FAM78B: variants seen among roughly 807,000 people sequenced by gnomAD.
FAM78B encodes the protein family with sequence similarity 78 member B.
FAM78B carries 10 observed loss-of-function variants against 20.0 expected under a neutral mutation model. The observed-to-expected ratio is 0.50, with a 90% confidence interval of 0.31 to 0.85. The LOEUF is 0.85. Among genes scored for constraint, FAM78B ranks in the 40% least tolerant of loss-of-function variants. The pLI, the probability that FAM78B is intolerant of heterozygous loss-of-function variation, is 0.05. For synonymous variants in FAM78B, 135 were observed against 132.8 expected, an observed-to-expected ratio of 1.02 and a Z score of -0.12; for missense variants, 283 against 345.0, an observed-to-expected ratio of 0.82 and a Z score of 1.42.
intron 1 of FAM78B, 128 bp downstream of exon 1, chr1:166,165,858 G>A: frequency 1.0e-5 from 11 of 1,071,556 alleles, no homozygotes; most frequent in Non-Finnish European, 1.5e-5. Flanking sequence ...AGGTGGGAGA[G>A]GAGGCGGGAG....
chr1:166,064,778 T>C (rs1408056898), downstream of FAM78B, among the ~76,000 whole-genome samples: 4 of 152,238 alleles, frequency 2.6e-5, no homozygotes, highest in Non-Finnish European at 4.4e-5. Flanking sequence ...AGGCAGCACA[T>C]TAGGCAATTT....
rs111470288 is a variant in FAM78B at position 166,090,620 on chromosome 1, C to G, written c.264-19857G>C. 2.6e-5 allele frequency among the ~76,000 whole-genome samples: 4 copies of G among 152,330 alleles called. No homozygotes were observed. The South Asian group carries it at 6.2e-4, about 24-fold the overall frequency. On this transcript the variant is annotated intron_variant, in intron 1 of 1. Coordinates refer to ENST00000354422, the MANE Select transcript of FAM78B (RefSeq NM_001017961.5). The stretch of plus-strand genomic sequence containing the variant: ...CTCAGAGATATGGCTCATGAGCCAT[C>G]AGTTCGAATGATTTCTTCACCACCT...
intron 1 of FAM78B, among the ~76,000 whole-genome samples, chr1:166,121,493 T>C (rs1037453040): frequency 6.6e-6 from 1 of 152,172 alleles, no homozygotes; most frequent in African/African-American, 2.4e-5. Flanking sequence ...AGGAAGGGTA[T>C]GGGTCTGTGT....
In FAM78B at chr1:166,152,655, G is replaced by GATTGATTTATTT. The variant is rs369101683; in HGVS notation, c.263+13330_263+13331insAAATAAATCAAT. On this transcript the variant is annotated intron_variant, in intron 1 of 1. Transcript: ENST00000354422. ...CTCAGGGGAAGTTCTTGGTACTCTG[G>GATTGATTTATTT]ATTTATTTATTTATTTATTTATTTA... Among the ~76,000 whole-genome samples the GATTGATTTATTT allele has an allele frequency of 2.6e-3, 365 of 140,578 alleles. 1 individual carries two copies. Among genetic ancestry groups the GATTGATTTATTT allele is most frequent in the African/African-American group, 9.7e-3 (337 of 34,642 alleles). The allele number at this position is 140,578 out of a possible 152,430, so 92.2% of individuals were successfully genotyped here. A position where few individuals can be genotyped will look rare whatever the true frequency, so the allele number is the denominator to read the frequency against.
chr1:166,066,008 G>A (rs1651779339), downstream of FAM78B, among the ~76,000 whole-genome samples: 1 of 152,180 alleles, frequency 6.6e-6, no homozygotes, highest in Non-Finnish European at 1.5e-5. Context: ...TGTGCCCTCA[G>A]TTCTAACAAG....
chr1:166,159,823 C>T (rs1656076343), intron 1 of FAM78B, among the ~76,000 whole-genome samples: 1 of 152,232 alleles, frequency 6.6e-6, no homozygotes, highest in African/African-American at 2.4e-5. Context: ...CAGAGTTGTG[C>T]TTTATCTCCA....
chr1:166,165,963 G>A, intron 1 of FAM78B, 23 bp downstream of exon 1: 1 of 1,613,252 alleles, frequency 6.2e-7, no homozygotes, highest in Non-Finnish European at 8.5e-7. Context: ...GTCCGCTCCC[G>A]TGCCGCGCGG....
intron 1 of FAM78B, among the ~76,000 whole-genome samples, chr1:166,099,006 G>A (rs891105138): frequency 7.9e-5 from 12 of 152,168 alleles, no homozygotes; most frequent in South Asian, 2.1e-4. Context: ...GAAGCATCAG[G>A]TAACTTATAA....
At chr1:166,124,488 G>C (rs561311706) in intron 1 of FAM78B, among the ~76,000 whole-genome samples, 6 of 152,298 alleles carry the variant, frequency 3.9e-5, no homozygotes, top group Admixed American at 3.3e-4. Context: ...ACTACTAATA[G>C]CAAGTGGAGC....
intron 1 of FAM78B, among the ~76,000 whole-genome samples, chr1:166,107,051 A>G (rs1653816065): frequency 6.6e-6 from 1 of 152,308 alleles, no homozygotes. Flanking sequence ...AAAAAGACTG[A>G]AAGAGCACAA....
intron 1 of FAM78B, among the ~76,000 whole-genome samples, chr1:166,159,546 C>T (rs1656060300): frequency 6.6e-6 from 1 of 152,142 alleles, no homozygotes; most frequent in African/African-American, 2.4e-5. Flanking sequence ...CATCCTTAAC[C>T]TGGAACATGA....
At chr1:166,109,862 G>GTATGTGTATATATATA (rs1653956302) in intron 1 of FAM78B, among the ~76,000 whole-genome samples, 1 of 16,268 alleles carries the variant, frequency 6.1e-5, no homozygotes, top group Admixed American at 7.0e-4. Flanking sequence ...ATATATATAT[G>GTATGTGTATATATATA]TATGTGTATA....
At position 166,077,826 on chromosome 1, in the gene FAM78B, ATATATATAATT is replaced by A. The variant is rs1304967155; in HGVS notation, c.264-7074_264-7064del. ...ATATTTATATGTAGATTATATATAA[ATATATATAATT>A]TATATATATAATAATATATATAATT... is the stretch of plus-strand genomic sequence containing the variant. On this transcript the variant is annotated intron_variant, in intron 1 of 1. Coordinates refer to ENST00000354422, the MANE Select transcript of FAM78B (RefSeq NM_001017961.5). Among the ~76,000 whole-genome samples the A allele has an allele frequency of 9.0e-4, 79 of 87,308 alleles. 1 individual carries two copies. The highest frequency in any genetic ancestry group is 1.2e-3 in the Admixed American group (7 of 5,842). The allele number at this position is 87,308 out of a possible 152,430, so 57.3% of individuals were successfully genotyped here.
intron 1 of FAM78B, among the ~76,000 whole-genome samples, chr1:166,121,960 G>A (rs1015302961): frequency 3.3e-5 from 5 of 152,126 alleles, no homozygotes; most frequent in African/African-American, 1.2e-4. Context: ...TCCCAACCAG[G>A]CACTACGGAG....
chr1:166,154,457 T>C (rs971793423), intron 1 of FAM78B, among the ~76,000 whole-genome samples: 14 of 152,354 alleles, frequency 9.2e-5, no homozygotes, highest in Admixed American at 5.9e-4. Flanking sequence ...TCACTGCATA[T>C]AGACACTGAA....
chr1:166,088,090 G>C (rs1652908778), intron 1 of FAM78B, among the ~76,000 whole-genome samples: 1 of 152,120 alleles, frequency 6.6e-6, no homozygotes, highest in South Asian at 2.1e-4. Flanking sequence ...TCAAGCTGTT[G>C]GTCATCTCCT....
downstream of FAM78B, among the ~76,000 whole-genome samples, chr1:166,068,211 G>C (rs1651874993): frequency 6.6e-6 from 1 of 152,168 alleles, no homozygotes; most frequent in Non-Finnish European, 1.5e-5. Context: ...CAGTCTGGGG[G>C]AGAGAGTGCT....
intron 1 of FAM78B, among the ~76,000 whole-genome samples, chr1:166,091,747 C>T (rs1653081902): frequency 6.6e-6 from 1 of 152,160 alleles, no homozygotes; most frequent in African/African-American, 2.4e-5. Context: ...GACTTAGTAC[C>T]TTACATTTCA....
At chr1:166,102,980 TAAAAG>T (rs1460170356) in intron 1 of FAM78B, among the ~76,000 whole-genome samples, 1 of 152,066 alleles carries the variant, frequency 6.6e-6, no homozygotes, top group Non-Finnish European at 1.5e-5. Flanking sequence ...TCAGCAAATG[TAAAAG>T]AAAAGAAATT....
Sources: gnomAD v4.1 joint callset for allele counts (sites outside exome capture counted in the v4.1 genomes callset) on GRCh38, gnomAD v4.1.1 for gene constraint, MANE v1.5 for transcripts, NCBI Gene and HGNC (gene_info 2026-07-23, HGNC 2026-07-21) for gene names.